TLE3: variants seen among roughly 807,000 people sequenced by gnomAD.
The protein encoded by TLE3 is TLE family member 3, transcriptional corepressor, also known as transducin-like enhancer protein 3.
A neutral mutation model predicts 93.0 loss-of-function variants in TLE3; 14 were observed. That is an observed-to-expected ratio of 0.15 (90% confidence interval 0.10 to 0.24). The LOEUF (loss-of-function observed/expected upper bound fraction) is 0.24, where lower values mean the gene tolerates loss of function less well. TLE3 is among the 10% of genes least tolerant of loss of function. The pLI is 1.00. For missense variants in TLE3, 693 were observed against 1,046.6 expected, an observed-to-expected ratio of 0.66 and a Z score of 4.66; for synonymous variants, 451 against 425.0, an observed-to-expected ratio of 1.06 and a Z score of -0.75.
intron 6 of TLE3, among the ~76,000 whole-genome samples, chr15:70,072,263 C>T (rs1438186058): frequency 1.3e-5 from 2 of 152,162 alleles, no homozygotes; most frequent in East Asian, 3.9e-4. Context: ...TGCTTCTCCC[C>T]CAGTTTTACT....
At chr15:70,064,645 G>C (rs1166629422) in intron 7 of TLE3, among the ~76,000 whole-genome samples, 175 bp from the exon 8 acceptor site, 1 of 152,160 alleles carries the variant, frequency 6.6e-6, no homozygotes, top group Non-Finnish European at 1.5e-5. Context: ...GCCAAGGCAG[G>C]GCCATTAGGT....
intron 4 of TLE3, among the ~76,000 whole-genome samples, chr15:70,085,152 G>T (rs550401115): frequency 8.5e-5 from 13 of 152,288 alleles, no homozygotes; most frequent in Admixed American, 7.8e-4. Flanking sequence ...CAGCACTGCC[G>T]CAACAGGCAG....
At position 70,054,122 on chromosome 15, in the gene TLE3, C is replaced by T. The variant is rs556035441; in HGVS notation, c.1826+316G>A. The stretch of plus-strand genomic sequence containing the variant: ...GTGATGTGGCTTCCCAGTCGGGTCT[C>T]CCTAATCTGGTCTCTGGGGCTCTGC... On this transcript the variant is annotated intron_variant, in intron 16 of 19. Coordinates refer to ENST00000451782, the MANE Select transcript of TLE3 (RefSeq NM_001105192.3). 2.2e-5 allele frequency: 6 copies of T among 271,700 alleles called. No homozygotes were observed. In the South Asian group the frequency reaches 4.8e-4, roughly 22 times the overall value. The allele number at this position is 271,700 out of a possible 1,614,324, so 16.8% of individuals were successfully genotyped here.
At chr15:70,094,198 A>G (rs2058441311) in intron 4 of TLE3, among the ~76,000 whole-genome samples, 2 of 152,304 alleles carry the variant, frequency 1.3e-5, no homozygotes, top group Admixed American at 1.3e-4. Flanking sequence ...ATTTTACATT[A>G]AAACAGATAA....
intron 17 of TLE3, 71 bp downstream of exon 17, chr15:70,053,156 C>G: frequency 1.3e-6 from 2 of 1,531,626 alleles, no homozygotes; most frequent in Non-Finnish European, 1.8e-6. Context: ...TTGTCCCTGA[C>G]CCAGCCACTG....
chr15:70,053,400 G>T (rs955859168), intron 16 of TLE3, 26 bp from the exon 17 acceptor site: 1 of 1,585,730 alleles, frequency 6.3e-7, no homozygotes, highest in African/African-American at 1.3e-5. Context: ...AGGGAGGAGG[G>T]TGAGTCCCGG....
chr15:70,060,061 G>C (rs1443607431), intron 9 of TLE3, among the ~76,000 whole-genome samples: 1 of 152,210 alleles, frequency 6.6e-6, no homozygotes, highest in East Asian at 1.9e-4. Context: ...AAACACAACA[G>C]CCATGCTTCC....
chr15:70,055,245 G>A lies in TLE3; in HGVS notation c.1382C>T (p.Pro461Leu). ...GCCGGGGCCTGCCAGGGCGTCGTGG[G>A]GGAAGGGCACGGGCTGCATCTGCCC... The part of the protein sequence containing the change: ...ADGQMQPVPF[P>L]HDALAGPGIP... The change falls in exon 15 of 20, where the codon CCC (proline) becomes CTC (leucine). Residue 461 changes from proline (P) to leucine (L), a missense_variant. Around this residue, in one of 4 missense-constraint regions of TLE3, gnomAD observed 405 missense variants for 468.9 expected, o/e 0.86. Coordinates refer to ENST00000451782, the MANE Select transcript of TLE3 (RefSeq NM_001105192.3). 1 of 1,611,304 alleles carries A rather than the reference G, an allele frequency of 6.2e-7. No homozygotes were observed. Among genetic ancestry groups the A allele is most frequent in the Non-Finnish European group, 8.5e-7 (1 of 1,178,890 alleles).
chr15:70,053,268 G>A lies in TLE3; in HGVS notation c.1933C>T (p.Arg645Trp), dbSNP rs1454174811. 6.2e-7 allele frequency: 1 copy of A among 1,608,674 alleles called. No homozygotes were observed. The highest frequency in any genetic ancestry group is 1.7e-5 in the Admixed American group (1 of 59,306). Residue 645 changes from arginine to tryptophan, a missense_variant, in exon 17 of 20, where the codon CGG (arginine) becomes TGG (tryptophan). Physicochemically the swap from Arg to Trp is moderately radical, Grantham distance 101. Coordinates refer to ENST00000451782, the MANE Select transcript of TLE3 (RefSeq NM_001105192.3). ...LDNTVRSWDL[R>W]EGRQLQQHDF... is the part of the protein sequence containing the mutation. ...TGCTGCTGTAGCTGTCGGCCCTCCC[G>A]CAGGTCCCAGGAGCGCACCGTGTTG...
chr15:70,058,097 C>A lies in TLE3; in HGVS notation c.1051+62G>T. 1 of 1,610,858 alleles carries A rather than the reference C, an allele frequency of 6.2e-7. No homozygotes were observed. On this transcript the variant is annotated intron_variant, in intron 12 of 19. Coordinates refer to ENST00000451782, the MANE Select transcript of TLE3 (RefSeq NM_001105192.3). This position sits in a 1 kb window ranked among gnomAD's most constrained non-coding sequence, Gnocchi z 4.1. Reference sequence around the variant, plus strand: ...TGCGTGTGTGTCACCCCTGCCCTGGCCAAGAGCAGACCCCCTCCCCCCAAT... The same window carrying A: ...TGCGTGTGTGTCACCCCTGCCCTGGACAAGAGCAGACCCCCTCCCCCCAAT...
At position 70,049,849 on chromosome 15, in the gene TLE3, C is replaced by A; in HGVS notation, c.*248G>T. On this transcript the variant is annotated 3_prime_UTR_variant, in exon 20 of 20. Transcript: ENST00000451782. The stretch of plus-strand genomic sequence containing the variant: ...CCTCCAATAAATCTATTTGTAGCAA[C>A]TGCCAGCATTGTTCAGGGGGAGGAG... 1 of 420,410 alleles carries A rather than the reference C, an allele frequency of 2.4e-6. No homozygotes were observed. Among genetic ancestry groups the A allele is most frequent in the Non-Finnish European group, 4.4e-6 (1 of 227,996 alleles). 26.0% of individuals were successfully genotyped at this position (420,410 alleles called of 1,614,324 possible). A position where few individuals can be genotyped will look rare whatever the true frequency, so the allele number is the denominator to read the frequency against.
At position 70,049,756 on chromosome 15, in the gene TLE3, G is replaced by A; in HGVS notation, c.*341C>T. ...CACCCCCGACCCAAGGTGAGGGACA[G>A]GGCAAAAGAAAAGGGAAGAACAAAC... On this transcript the variant is annotated 3_prime_UTR_variant, in exon 20 of 20. Coordinates refer to ENST00000451782, the MANE Select transcript of TLE3 (RefSeq NM_001105192.3). 4.2e-6 allele frequency: 1 copy of A among 236,760 alleles called. No homozygotes were observed. The highest frequency in any genetic ancestry group is 8.5e-6 in the Non-Finnish European group (1 of 117,084). The allele number at this position is 236,760 out of a possible 1,614,324, so 14.7% of individuals were successfully genotyped here.
chr15:70,051,449 G>C lies in TLE3; in HGVS notation c.2144C>G (p.Thr715Ser). Reference sequence around the variant, plus strand: ...GGCGTTGAGAAGGTTATCTTTCCCAGTGCTCACGAACCACTTGCCTGCAGG... The same window carrying C: ...GGCGTTGAGAAGGTTATCTTTCCCACTGCTCACGAACCACTTGCCTGCAGG... Reference protein sequence around the residue: ...FAYCGKWFVSTGKDNLLNAWR... With the variant: ...FAYCGKWFVSSGKDNLLNAWR... The change falls in exon 19 of 20, where the codon ACT (threonine) becomes AGT (serine). Residue 715 changes from threonine to serine, a missense_variant. By Grantham distance (58) the Thr-to-Ser change is moderately conservative. This residue lies in a region of TLE3 where 153 missense variants were observed against 379.9 expected (regional missense o/e 0.40). Coordinates refer to ENST00000451782, the MANE Select transcript of TLE3 (RefSeq NM_001105192.3). The C allele has an allele frequency of 6.2e-7, 1 of 1,609,566 alleles. No homozygotes were observed. Among genetic ancestry groups the C allele is most frequent in the Non-Finnish European group, 8.5e-7 (1 of 1,177,906 alleles).
chr15:70,065,946 C>T (rs1271942557), intron 7 of TLE3, 68 bp downstream of exon 7: 2 of 1,477,360 alleles, frequency 1.4e-6, no homozygotes, highest in African/African-American at 1.4e-5. Context: ...GGTCCACTCA[C>T]TGTGAGGCCT....
chr15:70,081,982 T>A (rs1202094956), intron 4 of TLE3, among the ~76,000 whole-genome samples: 1 of 152,234 alleles, frequency 6.6e-6, no homozygotes, highest in Non-Finnish European at 1.5e-5. Context: ...CTTCTCTGAC[T>A]GAGTCCTTGG....
intron 7 of TLE3, 69 bp from the exon 8 acceptor site, chr15:70,064,539 G>GA: frequency 6.2e-7 from 1 of 1,607,282 alleles, no homozygotes; most frequent in African/African-American, 1.3e-5. Flanking sequence ...AAAAAGAAAG[G>GA]AAAAAGGTCA....
chr15:70,051,427 G>T lies in TLE3; in HGVS notation c.2166C>A (p.Asn722Lys). Residue 722 changes from asparagine (N) to lysine (K), a missense_variant, in exon 19 of 20, where the codon AAC (asparagine) becomes AAA (lysine). By Grantham distance (94) the Asn-to-Lys change is moderately conservative (BLOSUM62 0). Transcript: ENST00000451782. ...FVSTGKDNLL[N>K]AWRTPYGASI... is the part of the protein sequence containing the mutation. ...TGGCTCCATAAGGCGTCCTCCAGGC[G>T]TTGAGAAGGTTATCTTTCCCAGTGC... is the stretch of plus-strand genomic sequence containing the variant. The T allele has an allele frequency of 6.2e-7, 1 of 1,610,446 alleles. No individual in the cohort carries two copies. The highest frequency in any genetic ancestry group is 8.5e-7 in the Non-Finnish European group (1 of 1,178,376).
chr15:70,066,059 G>C lies in TLE3; in HGVS notation c.532C>G (p.Leu178Val). 1 of 1,604,494 alleles carries C rather than the reference G, an allele frequency of 6.2e-7. No homozygotes were observed. The highest frequency in any genetic ancestry group is 8.5e-7 in the Non-Finnish European group (1 of 1,174,786). The stretch of plus-strand genomic sequence containing the variant: ...TGGTTCTTCTCATCCTTCACCGTCA[G>C]ATGGGCCTGGCTGCCCAGGGCGCCC... The part of the protein sequence containing the change: ...ALGALGSQAH[L>V]TVKDEKNHHE... Residue 178 changes from leucine to valine, a missense_variant, in exon 7 of 20, where the codon CTG becomes GTG. Leu to Val is a conservative substitution (Grantham distance 32, BLOSUM62 1). Around this residue, in one of 4 missense-constraint regions of TLE3, gnomAD observed 405 missense variants for 468.9 expected, o/e 0.86. Coordinates refer to ENST00000451782, the MANE Select transcript of TLE3 (RefSeq NM_001105192.3).
rs758476778 is a variant in TLE3, at chr15:70,059,477, A to T, written c.715-17T>A. On this transcript the variant is annotated splice_polypyrimidine_tract_variant and intron_variant, in intron 9 of 19. Transcript: ENST00000451782. ...ATCACTGTCCTGCAACCAAGAGAGA[A>T]GCCAACTGGTCAGTAAGAGGCCACA... 1 of 1,603,820 alleles carries T rather than the reference A, an allele frequency of 6.2e-7. No homozygotes were observed. The highest frequency in any genetic ancestry group is 8.5e-7 in the Non-Finnish European group (1 of 1,175,086).
Sources: allele counts gnomAD v4.1 joint callset (sites outside exome capture counted in the v4.1 genomes callset), GRCh38; gene constraint gnomAD v4.1.1; regional missense constraint gnomAD v4.1.1; non-coding constraint Gnocchi (gnomAD v3.1); transcripts MANE v1.5; gene names NCBI Gene and HGNC (gene_info 2026-07-23, HGNC 2026-07-21).